Variants in TENM3 observed in about 807,000 individuals in gnomAD.
TENM3 encodes teneurin-3.
Under a neutral mutation model 255.1 loss-of-function variants are expected in TENM3, and 63 were observed. The observed-to-expected ratio is 0.25, with a 90% CI of 0.20 to 0.30. The LOEUF is 0.30. Among genes scored for constraint, TENM3 ranks in the 10% least tolerant of loss-of-function variants. The probability of loss-of-function intolerance (pLI) is 1.00; values close to 1 mark genes in which losing one functional copy is unlikely to be tolerated. For missense variants in TENM3, 2,929 were observed against 3,461.1 expected (o/e 0.85, Z 3.86); for synonymous variants, 1,306 against 1,322.3 (o/e 0.99, Z 0.27).
At chr4:181,912,628 A>G in the TENM3 span, among the ~76,000 whole-genome samples, 3 of 151,952 alleles carry the variant, frequency 2.0e-5, no homozygotes, top group Non-Finnish European at 4.4e-5. Flanking sequence ...CCCTGTCTCT[A>G]CTAAAAATAC....
At chr4:182,784,782 A>C (rs1417157399) in intron 24 of TENM3, among the ~76,000 whole-genome samples, 2 of 152,120 alleles carry the variant, frequency 1.3e-5, no homozygotes, top group African/African-American at 2.4e-5. Context: ...GCCCGTCGGA[A>C]AAGCGCAGTA....
At chr4:181,529,569 T>C in the TENM3 span, among the ~76,000 whole-genome samples, 1 of 152,214 alleles carries the variant, frequency 6.6e-6, no homozygotes, top group South Asian at 2.1e-4. Flanking sequence ...TGGGGGGTTG[T>C]TATTCACCCC....
chr4:182,415,834 T>TA (rs1433785874), intron 3 of TENM3, among the ~76,000 whole-genome samples: 2 of 152,172 alleles, frequency 1.3e-5, no homozygotes, highest in Non-Finnish European at 2.9e-5. Context: ...TGTGACCTGT[T>TA]ACGTTTCTGC....
the TENM3 span, among the ~76,000 whole-genome samples, chr4:181,640,145 TG>T: frequency 1.3e-5 from 2 of 152,184 alleles, no homozygotes; most frequent in African/African-American, 4.8e-5. Context: ...TAGTGAGTTC[TG>T]TGGACCAACA....
chr4:182,023,082 C>G, the TENM3 span, among the ~76,000 whole-genome samples: 1 of 152,168 alleles, frequency 6.6e-6, no homozygotes. Context: ...TCTAGGTCAA[C>G]AAGACGGGGT....
chr4:181,585,646 C>A, the TENM3 span, among the ~76,000 whole-genome samples: 1 of 151,930 alleles, frequency 6.6e-6, no homozygotes, highest in African/African-American at 2.4e-5. Context: ...GAAAAAATGT[C>A]ATTAACTCTA....
chr4:182,638,857 C>T (rs1461169547), intron 5 of TENM3, among the ~76,000 whole-genome samples: 1 of 152,186 alleles, frequency 6.6e-6, no homozygotes, highest in African/African-American at 2.4e-5. Flanking sequence ...CCACCTGCCC[C>T]TGAAGGAGAG....
At chr4:182,383,896 A>G (rs1476177986) in intron 3 of TENM3, among the ~76,000 whole-genome samples, 2 of 152,200 alleles carry the variant, frequency 1.3e-5, no homozygotes, top group African/African-American at 4.8e-5. Flanking sequence ...GTTCTACCCT[A>G]AGAATGGATA....
intron 3 of TENM3, among the ~76,000 whole-genome samples, chr4:182,580,272 G>A (rs182321953): frequency 4.6e-4 from 70 of 152,022 alleles, no homozygotes; most frequent in Non-Finnish European, 2.4e-4. Flanking sequence ...CTTTTCTTTT[G>A]TCTTCCTCTG....
At chr4:182,797,414 G>A (rs1766573184) in intron 27 of TENM3, among the ~76,000 whole-genome samples, 1 of 150,402 alleles carries the variant, frequency 6.6e-6, no homozygotes. Context: ...ACTCCAGCCT[G>A]AGCAACAAGA....
At chr4:182,159,146 C>A (rs1246292304) in intron 1 of TENM3, among the ~76,000 whole-genome samples, 1 of 152,128 alleles carries the variant, frequency 6.6e-6, no homozygotes, top group Non-Finnish European at 1.5e-5. Flanking sequence ...TGGCCCGGGG[C>A]CCCCACACAG....
At chr4:181,532,326 C>A in the TENM3 span, among the ~76,000 whole-genome samples, 1 of 151,910 alleles carries the variant, frequency 6.6e-6, no homozygotes, top group Admixed American at 6.6e-5. Context: ...GGATTAGGAC[C>A]CTGCCAGATT....
At chr4:181,640,033 C>G in the TENM3 span, among the ~76,000 whole-genome samples, 1 of 152,186 alleles carries the variant, frequency 6.6e-6, no homozygotes. Context: ...CCAAGTGTAT[C>G]AGCCACGTCC....
intron 3 of TENM3, among the ~76,000 whole-genome samples, chr4:182,525,450 A>G (rs557692010): frequency 2.0e-5 from 3 of 152,342 alleles, no homozygotes; most frequent in African/African-American, 7.2e-5. Flanking sequence ...ATAGTTGCCA[A>G]AACATAAAAT....
At chr4:182,631,132 A>G (rs934371993) in intron 5 of TENM3, among the ~76,000 whole-genome samples, 1 of 152,092 alleles carries the variant, frequency 6.6e-6, no homozygotes, top group African/African-American at 2.4e-5. Flanking sequence ...TATTCCTACT[A>G]GTACCATGGT....
the TENM3 span, among the ~76,000 whole-genome samples, chr4:181,548,209 A>G: frequency 1.1e-3 from 166 of 152,302 alleles, no homozygotes; most frequent in African/African-American, 3.9e-3. Flanking sequence ...TTACACTGTT[A>G]GTGGGACTGT....
the TENM3 span, among the ~76,000 whole-genome samples, chr4:181,658,369 G>A: frequency 2.0e-5 from 3 of 152,076 alleles, no homozygotes; most frequent in Admixed American, 1.3e-4. Context: ...CAGAATAACC[G>A]TCCATATATT....
chr4:181,953,575 G>A, the TENM3 span, among the ~76,000 whole-genome samples: 3 of 151,874 alleles, frequency 2.0e-5, no homozygotes, highest in Non-Finnish European at 2.9e-5. Flanking sequence ...CCAGCTACTC[G>A]GGAAGCTGAG....
At chr4:182,630,055 A>G (rs938964282) in intron 5 of TENM3, among the ~76,000 whole-genome samples, 3 of 152,186 alleles carry the variant, frequency 2.0e-5, no homozygotes, top group Admixed American at 6.5e-5. Context: ...ACCCGATTAC[A>G]TGCTGCTTAT....
Sources: allele counts gnomAD v4.1 joint callset (sites outside exome capture counted in the v4.1 genomes callset), GRCh38; gene constraint gnomAD v4.1.1; transcripts MANE v1.5; gene names NCBI Gene and HGNC (gene_info 2026-07-23, HGNC 2026-07-21).